The following CREBZF variants were observed in gnomAD, a reference collection of about 807,000 sequenced individuals.
CREBZF encodes CREB/ATF bZIP transcription factor.
Under a neutral mutation model 21.1 loss-of-function variants are expected in CREBZF, and 8 were observed. That is an observed-to-expected ratio of 0.38 (90% CI 0.22 to 0.68). CREBZF has a LOEUF of 0.68. Among genes scored for constraint, CREBZF ranks in the 30% least tolerant of loss-of-function variants. The probability of loss-of-function intolerance (pLI) is 0.51; values close to 1 mark genes in which losing one functional copy is unlikely to be tolerated. For synonymous variants in CREBZF, 270 were observed against 223.3 expected (o/e 1.21, Z -1.86); for missense variants, 518 against 484.3 (o/e 1.07, Z -0.65).
intron 1 of CREBZF, among the ~76,000 whole-genome samples, chr11:85,670,552 T>G (rs2082905228): frequency 6.6e-6 from 1 of 152,118 alleles, no homozygotes; most frequent in African/African-American, 2.4e-5. Context: ...TCCACCCGCC[T>G]CGGCCTTCCA....
intron 1 of CREBZF, among the ~76,000 whole-genome samples, chr11:85,676,721 C>T (rs1198392810): frequency 1.3e-5 from 2 of 151,548 alleles, no homozygotes; most frequent in Non-Finnish European, 2.9e-5. Flanking sequence ...ACTGCAGCCT[C>T]GACCACCCTG....
At chr11:85,667,810 T>A (rs2082882781), upstream of CREBZF, among the ~76,000 whole-genome samples, 1 of 151,816 alleles carries the variant, frequency 6.6e-6, no homozygotes, top group African/African-American at 2.4e-5. Context: ...ATACAAAAAA[T>A]TAGAAAAAAA....
chr11:85,675,670 C>T (rs2082937635), intron 1 of CREBZF, among the ~76,000 whole-genome samples: 1 of 152,100 alleles, frequency 6.6e-6, no homozygotes, highest in Admixed American at 6.5e-5. Context: ...ACATGCTCAA[C>T]TTATGGTTGC....
Position 85,664,726 on chromosome 11 carries a change from A to G in CREBZF, c.150T>C (p.Ser50=), listed in dbSNP as rs1565810456. The G allele has an allele frequency of 1.2e-6, 2 of 1,600,826 alleles. No individual in the cohort carries two copies. Among genetic ancestry groups the G allele is most frequent in the Non-Finnish European group, 8.5e-7 (1 of 1,175,392 alleles). The part of the protein sequence containing the change: ...AGEEETAAAG[S]PGRKQQFGDE... ...CGCCAAACTGCTGCTTGCGGCCGGGAGATCCGGCCGCCGCCGTCTCCTCCT... is the reference window on the plus strand; with the variant it reads ...CGCCAAACTGCTGCTTGCGGCCGGGGGATCCGGCCGCCGCCGTCTCCTCCT... The change falls in exon 1 of 1, where the codon TCT becomes TCC. Residue 50 remains serine (S), a synonymous_variant. Coordinates refer to ENST00000527447, the MANE Select transcript of CREBZF (RefSeq NM_001039618.4). This position sits in a 1 kb window ranked among gnomAD's most constrained non-coding sequence, Gnocchi z 5.5.
At position 85,661,429 on chromosome 11, in the gene CREBZF, A is replaced by G. The variant is rs552272169; in HGVS notation, c.*2382T>C. 6.6e-6 allele frequency: 1 copy of G among 152,546 alleles called. No individual in the cohort carries two copies. The highest frequency in any genetic ancestry group is 1.5e-5 in the Non-Finnish European group (1 of 67,966). The allele number at this position is 152,546 out of a possible 1,614,324, so 9.4% of individuals were successfully genotyped here. A position where few individuals can be genotyped will look rare whatever the true frequency, so the allele number is the denominator to read the frequency against. Reference sequence around the variant, plus strand: ...AGGCCATACTAATCCTTCCATTTTCAAAAGTTCTTATCAAGTAATTCCAAA... The same window carrying G: ...AGGCCATACTAATCCTTCCATTTTCGAAAGTTCTTATCAAGTAATTCCAAA... On this transcript the variant is annotated 3_prime_UTR_variant, in exon 1 of 1. Transcript: ENST00000527447.
At position 85,664,794 on chromosome 11, in the gene CREBZF, T is replaced by G; in HGVS notation, c.82A>C (p.Thr28Pro). 1 of 1,576,924 alleles carries G rather than the reference T, an allele frequency of 6.3e-7. No homozygotes were observed. The highest frequency in any genetic ancestry group is 8.6e-7 in the Non-Finnish European group (1 of 1,166,246). ...TRSESPEPAA[T>P]CSLPSDLTRA... The stretch of plus-strand genomic sequence containing the variant: ...GTCAGGTCAGAGGGCAGCGAACAAG[T>G]TGCAGCCGGCTCCGGGCTCTCACTG... Residue 28 changes from threonine (T) to proline (P), a missense_variant, in exon 1 of 1, where the codon ACT becomes CCT. Coordinates refer to ENST00000527447, the MANE Select transcript of CREBZF (RefSeq NM_001039618.4). This position sits in a 1 kb window ranked among gnomAD's most constrained non-coding sequence, Gnocchi z 5.5.
chr11:85,673,871 C>T lies in CREBZF; in HGVS notation n.147+8846G>A, dbSNP rs950444787. Among the ~76,000 whole-genome samples the T allele has an allele frequency of 5.9e-5, 9 of 152,206 alleles. No homozygotes were observed. In the South Asian group the frequency reaches 1.4e-3, roughly 24 times the overall value. ...CAGCATCTTCACCAGAAATAGATTC[C>T]ATCCCAAGAAACCATCCATTTTTCT... On this transcript the variant is annotated intron_variant and non_coding_transcript_variant, in intron 1 of 3. Coordinates refer to the CREBZF transcript ENST00000531515.
Position 85,664,433 on chromosome 11 carries a change from T to G in CREBZF, c.443A>C (p.Asp148Ala). 1 of 1,613,758 alleles carries G rather than the reference T, an allele frequency of 6.2e-7. No individual in the cohort carries two copies. Among genetic ancestry groups the G allele is most frequent in the Non-Finnish European group, 8.5e-7 (1 of 1,180,004 alleles). ...DSGGLWRGDD[D>A]DEAAAAEMQR... ...CATTTCAGCAGCCGCGGCCTCATCG[T>G]CATCGTCCCCTCTCCACAGGCCGCC... The change falls in exon 1 of 1, where the codon GAC becomes GCC. Residue 148 changes from aspartate (D) to alanine (A), a missense_variant. Transcript: ENST00000527447. This position sits in a 1 kb window ranked among gnomAD's most constrained non-coding sequence, Gnocchi z 5.5.
In CREBZF at chr11:85,664,508, C is replaced by T; in HGVS notation, c.368G>A (p.Gly123Glu). Residue 123 changes from glycine (G) to glutamate (E), a missense_variant, in exon 1 of 1, where the codon GGG becomes GAG. Transcript: ENST00000527447. This position sits in a 1 kb window ranked among gnomAD's most constrained non-coding sequence, Gnocchi z 5.5. ...GGAGAGAGGCCCCGGCGAGCTAAGC[C>T]CGGGGTCCAGGTGCCAGTCCGGTTG... ...PRQPDWHLDP[G>E]LSSPGPLSSS... 1.2e-6 allele frequency: 2 copies of T among 1,613,666 alleles called. No individual in the cohort carries two copies. The highest frequency in any genetic ancestry group is 1.7e-6 in the Non-Finnish European group (2 of 1,179,926).
intron 1 of CREBZF, among the ~76,000 whole-genome samples, chr11:85,671,977 C>A (rs1178258021): frequency 2.6e-5 from 4 of 152,260 alleles, no homozygotes; most frequent in African/African-American, 4.8e-5. Flanking sequence ...TTCCACACTG[C>A]CCTAGCAGAG....
chr11:85,676,500 C>A (rs1306115367), intron 1 of CREBZF, among the ~76,000 whole-genome samples: 2 of 152,150 alleles, frequency 1.3e-5, no homozygotes, highest in African/African-American at 4.8e-5. Context: ...GACCCATCGT[C>A]CAGATTTAAC....
At position 85,665,037 on chromosome 11, in the gene CREBZF, C is replaced by G. The variant is rs1043280569; in HGVS notation, c.-162G>C. 3.0e-5 allele frequency: 14 copies of G among 463,194 alleles called. No individual in the cohort carries two copies. Among genetic ancestry groups the G allele is most frequent in the South Asian group, 8.5e-5 (1 of 11,820 alleles). The allele number at this position is 463,194 out of a possible 1,614,324, so 28.7% of individuals were successfully genotyped here. A position where few individuals can be genotyped will look rare whatever the true frequency, so the allele number is the denominator to read the frequency against. On this transcript the variant is annotated 5_prime_UTR_variant, in exon 1 of 1. Transcript: ENST00000527447. ...CGCCTCACTTGGCTAGTCGACCCCC[C>G]GCGCCAAGGCGCGGGGAGGGACGGG...
chr11:85,676,217 G>T lies in CREBZF; in HGVS notation n.147+6500C>A, dbSNP rs532207042. ...AAAGGGAGCAGGCATAGAAGTTTGAGCATGAAAGATTTGGAAGGGTAGGAA... is the reference window on the plus strand; with the variant it reads ...AAAGGGAGCAGGCATAGAAGTTTGATCATGAAAGATTTGGAAGGGTAGGAA... On this transcript the variant is annotated intron_variant and non_coding_transcript_variant, in intron 1 of 3. Coordinates refer to the CREBZF transcript ENST00000531515. Among the ~76,000 whole-genome samples, 4 of 152,302 alleles carry T rather than the reference G, an allele frequency of 2.6e-5. No homozygotes were observed. In the East Asian group the frequency reaches 7.7e-4, roughly 29 times the overall value.
chr11:85,664,424 G>A lies in CREBZF; in HGVS notation c.452C>T (p.Ala151Val), dbSNP rs1202756979. 1 of 1,613,782 alleles carries A rather than the reference G, an allele frequency of 6.2e-7. No homozygotes were observed. Among genetic ancestry groups the A allele is most frequent in the East Asian group, 2.2e-5 (1 of 44,866 alleles). The change falls in exon 1 of 1, where the codon GCC becomes GTC. Residue 151 changes from alanine to valine, a missense_variant. Physicochemically the swap from Ala to Val is moderately conservative, Grantham distance 64 (BLOSUM62 0). This residue lies in a region of CREBZF where 396 missense variants were observed against 324.4 expected (regional missense o/e 1.22). Coordinates refer to ENST00000527447, the MANE Select transcript of CREBZF (RefSeq NM_001039618.4). The surrounding 1 kb of genome is among the most constrained non-coding windows in gnomAD (Gnocchi z 5.5). Reference protein sequence around the residue: ...GLWRGDDDDEAAAAEMQRFSD... With the variant: ...GLWRGDDDDEVAAAEMQRFSD... ...GAAGCGCTGCATTTCAGCAGCCGCG[G>A]CCTCATCGTCATCGTCCCCTCTCCA...
At chr11:85,675,787 C>G (rs2082938387) in intron 1 of CREBZF, among the ~76,000 whole-genome samples, 1 of 152,146 alleles carries the variant, frequency 6.6e-6, no homozygotes, top group South Asian at 2.1e-4. Flanking sequence ...GCTCATTTTA[C>G]TTTAGTTTGC....
At position 85,662,561 on chromosome 11, in the gene CREBZF, T is replaced by TA. The variant is rs894450171; in HGVS notation, c.*1249dup. 1.0e-5 allele frequency: 6 copies of TA among 599,984 alleles called. No homozygotes were observed. The Admixed American group carries it at 1.6e-4, about 16-fold the overall frequency. 37.2% of individuals were successfully genotyped at this position (599,984 alleles called of 1,614,324 possible). Reference sequence around the variant, plus strand: ...ATGCCTCTTACACTGAAGGACACCATAATTCAATTTATACAACTGGTTAAT... The same window carrying TA: ...ATGCCTCTTACACTGAAGGACACCATAAATTCAATTTATACAACTGGTTAAT... On this transcript the variant is annotated 3_prime_UTR_variant, in exon 1 of 1. Coordinates refer to ENST00000527447, the MANE Select transcript of CREBZF (RefSeq NM_001039618.4).
chr11:85,681,945 G>T (rs982506025), intron 1 of CREBZF, among the ~76,000 whole-genome samples: 2 of 152,176 alleles, frequency 1.3e-5, no homozygotes, highest in Admixed American at 6.5e-5. Flanking sequence ...CCTTTTTAAG[G>T]CTCTTAAGAA....
chr11:85,673,351 C>T (rs2082924453), intron 1 of CREBZF, among the ~76,000 whole-genome samples: 1 of 152,132 alleles, frequency 6.6e-6, no homozygotes, highest in Admixed American at 6.5e-5. Context: ...TCCAGACCAC[C>T]ACAATAAAGT....
chr11:85,663,778 G>T lies in CREBZF; in HGVS notation c.*33C>A, dbSNP rs528150107. On this transcript the variant is annotated 3_prime_UTR_variant, in exon 1 of 1. Coordinates refer to ENST00000527447, the MANE Select transcript of CREBZF (RefSeq NM_001039618.4). The stretch of plus-strand genomic sequence containing the variant: ...GACATGGTGTAAGGGAGTTGAAAGG[G>T]GTAAACGCGGATAAAGAGCAGATTA... 1 of 1,581,566 alleles carries T rather than the reference G, an allele frequency of 6.3e-7. No homozygotes were observed. Among genetic ancestry groups the T allele is most frequent in the Non-Finnish European group, 8.6e-7 (1 of 1,165,832 alleles).
Sources: gnomAD v4.1 joint callset for allele counts (sites outside exome capture counted in the v4.1 genomes callset) on GRCh38, gnomAD v4.1.1 for gene constraint, gnomAD v4.1.1 regional missense constraint, Gnocchi (gnomAD v3.1) non-coding constraint, MANE v1.5 for transcripts, NCBI Gene and HGNC (gene_info 2026-07-23, HGNC 2026-07-21) for gene names.